The following MTA1 variants were observed in gnomAD, a reference collection of about 807,000 sequenced individuals.
MTA1 encodes the protein metastasis associated 1, also known as metastasis-associated protein MTA1.
In MTA1, 15 loss-of-function variants were observed where a neutral mutation model predicts 97.0. The ratio of observed to expected loss-of-function variants is 0.15; its 90% CI spans 0.10 to 0.24. MTA1 has a LOEUF of 0.24. Among genes scored for constraint, MTA1 ranks in the 10% least tolerant of loss-of-function variants. The pLI, the probability that MTA1 is intolerant of heterozygous loss-of-function variation, is 1.00. For missense variants in MTA1, 709 were observed against 1,015.1 expected (o/e 0.70, Z 4.10); for synonymous variants, 435 against 417.5 (o/e 1.04, Z -0.51).
At chr14:105,461,806 G>C (rs1034778106) in intron 10 of MTA1, among the ~76,000 whole-genome samples, 11 of 152,214 alleles carry the variant, frequency 7.2e-5, no homozygotes, top group African/African-American at 2.7e-4. Context: ...TTGTGTGGGG[G>C]CCTCTGGCCA....
At chr14:105,464,172 C>T (rs1444193785) in intron 13 of MTA1, 25 bp downstream of exon 13, 1 of 1,595,550 alleles carries the variant, frequency 6.3e-7, no homozygotes, top group Admixed American at 1.8e-5. Context: ...TGGCCGGGGG[C>T]ACACCGCACG....
intron 3 of MTA1, among the ~76,000 whole-genome samples, chr14:105,447,520 G>C (rs868914397): frequency 6.6e-6 from 1 of 152,208 alleles, no homozygotes; most frequent in Admixed American, 6.5e-5. Flanking sequence ...CAGACATAAC[G>C]TGATTAGAGG....
intron 7 of MTA1, among the ~76,000 whole-genome samples, chr14:105,456,187 G>A (rs1291128809): frequency 6.6e-6 from 1 of 152,246 alleles, no homozygotes; most frequent in Non-Finnish European, 1.5e-5. Flanking sequence ...CCTGGCAGCC[G>A]CACCCAGGTG....
In MTA1 at chr14:105,464,040, C is replaced by G; in HGVS notation, c.1085C>G (p.Pro362Arg). The change falls in exon 13 of 21, where the codon CCA becomes CGA. Residue 362 changes from proline (P) to arginine (R), a missense_variant. Coordinates refer to ENST00000331320, the MANE Select transcript of MTA1 (RefSeq NM_004689.4). ...KQVYIPNYNK[P>R]NPNQISVNNV... is the part of the protein sequence containing the mutation. ...TCCTTTCCCTCTTTAAGTAACAAGC[C>G]AAATCCGAACCAAATCAGCGTCAAC... 6.2e-7 allele frequency: 1 copy of G among 1,612,556 alleles called. No individual in the cohort carries two copies. The highest frequency in any genetic ancestry group is 2.2e-5 in the East Asian group (1 of 44,854).
chr14:105,443,620 C>A (rs1187794249), intron 2 of MTA1, among the ~76,000 whole-genome samples: 1 of 152,170 alleles, frequency 6.6e-6, no homozygotes, highest in Non-Finnish European at 1.5e-5. Context: ...AGCCACTGCC[C>A]CCAACCCATT....
chr14:105,435,127 C>T (rs1297019825), intron 1 of MTA1, among the ~76,000 whole-genome samples: 1 of 152,162 alleles, frequency 6.6e-6, no homozygotes, highest in African/African-American at 2.4e-5. Flanking sequence ...TATTACCAGG[C>T]TGAGGAAGTA....
chr14:105,453,916 T>G (rs1413858566), intron 6 of MTA1, among the ~76,000 whole-genome samples: 1 of 152,224 alleles, frequency 6.6e-6, no homozygotes, highest in East Asian at 1.9e-4. Context: ...CAGCTGCTCA[T>G]TGGCCCTGCC....
At chr14:105,434,042 G>A (rs1249444098) in intron 1 of MTA1, among the ~76,000 whole-genome samples, 1 of 152,126 alleles carries the variant, frequency 6.6e-6, no homozygotes, top group Non-Finnish European at 1.5e-5. Context: ...TGGCCAGGAT[G>A]GTCTCGATCT....
At position 105,463,785 on chromosome 14, in the gene MTA1, A is replaced by G; in HGVS notation, c.1076+234A>G. On this transcript the variant is annotated intron_variant, in intron 12 of 20. Coordinates refer to ENST00000331320, the MANE Select transcript of MTA1 (RefSeq NM_004689.4). This position sits in a 1 kb window ranked among gnomAD's most constrained non-coding sequence, Gnocchi z 5.9. ...AGGGGGCATTGGGATTCCAGCCCAC[A>G]CCGCCAGGGTTCAGTCCCTGAGCTG... 4.8e-6 allele frequency: 3 copies of G among 621,066 alleles called. No homozygotes were observed. The highest frequency in any genetic ancestry group is 8.5e-6 in the Non-Finnish European group (3 of 352,042). The allele number at this position is 621,066 out of a possible 1,614,324, so 38.5% of individuals were successfully genotyped here. A position where few individuals can be genotyped will look rare whatever the true frequency, so the allele number is the denominator to read the frequency against.
chr14:105,430,230 C>T (rs934313538), intron 1 of MTA1, among the ~76,000 whole-genome samples: 3 of 152,190 alleles, frequency 2.0e-5, no homozygotes, highest in African/African-American at 7.2e-5. Context: ...TGACCCTCAA[C>T]TCTTCCCTTC....
At position 105,464,670 on chromosome 14, in the gene MTA1, G is replaced by A. The variant is rs587698510; in HGVS notation, c.1345-4G>A. On this transcript the variant is annotated splice_polypyrimidine_tract_variant and splice_region_variant and intron_variant, in intron 14 of 20. Transcript: ENST00000331320. ...TGTTGGGGCGGTTGCGCCCCCTTCCGCAGAGTCCCCACGGCCTCCCAGCCC... is the reference window on the plus strand; with the variant it reads ...TGTTGGGGCGGTTGCGCCCCCTTCCACAGAGTCCCCACGGCCTCCCAGCCC... 1.4e-5 allele frequency: 22 copies of A among 1,602,290 alleles called. No individual in the cohort carries two copies. Among genetic ancestry groups the A allele is most frequent in the Middle Eastern group, 1.7e-4 (1 of 6,030 alleles).
chr14:105,452,229 G>A (rs1451213999), intron 6 of MTA1, among the ~76,000 whole-genome samples: 1 of 152,188 alleles, frequency 6.6e-6, no homozygotes, highest in African/African-American at 2.4e-5. Context: ...CCCCTGCCTC[G>A]CCTCAAATAA....
At chr14:105,426,091 C>G (rs587677567) in intron 1 of MTA1, among the ~76,000 whole-genome samples, 1 of 152,268 alleles carries the variant, frequency 6.6e-6, no homozygotes, top group South Asian at 2.1e-4. Context: ...CCCCCAGAGC[C>G]CTTTCACGGT....
intron 18 of MTA1, 132 bp from the exon 19 acceptor site, chr14:105,469,335 T>C: frequency 9.9e-7 from 1 of 1,014,592 alleles, no homozygotes. Flanking sequence ...AGGCCCATCC[T>C]GGGTGTGGGC....
intron 1 of MTA1, among the ~76,000 whole-genome samples, chr14:105,426,375 C>CCAA (rs1555422287): frequency 9.6e-6 from 1 of 104,082 alleles, no homozygotes; most frequent in African/African-American, 4.0e-5. Context: ...CTTCGTCTCA[C>CCAA]AAAAAAAAAA....
intron 2 of MTA1, among the ~76,000 whole-genome samples, chr14:105,439,796 A>G (rs1555425263): frequency 6.6e-6 from 1 of 152,062 alleles, no homozygotes; most frequent in Non-Finnish European, 1.5e-5. Context: ...CCCACTCGGC[A>G]GGCCTGGGGC....
Position 105,466,411 on chromosome 14 carries a change from T to C in MTA1, c.1625-15T>C, listed in dbSNP as rs1555432787. The C allele has an allele frequency of 1.3e-6, 2 of 1,596,468 alleles. No homozygotes were observed. The highest frequency in any genetic ancestry group is 1.7e-6 in the Non-Finnish European group (2 of 1,170,022). ...GGGCAGAGGCAACTCGTTCTGCCTG[T>C]GTCATTCCCGGCAGAGACCCACCCC... On this transcript the variant is annotated splice_polypyrimidine_tract_variant and intron_variant, in intron 16 of 20. Transcript: ENST00000331320.
At chr14:105,445,725 GC>G in intron 3 of MTA1, 1 of 675,504 alleles carries the variant, frequency 1.5e-6, no homozygotes, top group Non-Finnish European at 2.8e-6. Context: ...GTCCTCGCAC[GC>G]CCCCCGGAGT....
chr14:105,464,855 A>G lies in MTA1; in HGVS notation c.1526A>G (p.Lys509Arg), dbSNP rs782597303. 1.3e-6 allele frequency: 2 copies of G among 1,573,780 alleles called. No individual in the cohort carries two copies. The stretch of plus-strand genomic sequence containing the variant: ...CTGCCCATCAACAGCGCGGCCATCA[A>G]GGCCGAGTGTGAGTCACCCCAACGC... ...PYLPINSAAI[K>R]AECTARLPEA... is the part of the protein sequence containing the mutation. The change falls in exon 15 of 21, where the codon AAG (lysine) becomes AGG (arginine). Residue 509 changes from lysine (K) to arginine (R), a missense_variant. Around this residue, in one of 2 missense-constraint regions of MTA1, gnomAD observed 388 missense variants for 421.6 expected, o/e 0.92. Transcript: ENST00000331320.
Sources: allele counts gnomAD v4.1 joint callset (sites outside exome capture counted in the v4.1 genomes callset), GRCh38; gene constraint gnomAD v4.1.1; regional missense constraint gnomAD v4.1.1; non-coding constraint Gnocchi (gnomAD v3.1); transcripts MANE v1.5; gene names NCBI Gene and HGNC (gene_info 2026-07-23, HGNC 2026-07-21).